The following BMPER variants were observed in gnomAD, a reference collection of about 807,000 sequenced individuals.
BMPER encodes the protein BMP-binding endothelial regulator protein.
A neutral mutation model predicts 87.3 loss-of-function variants in BMPER; 45 were observed. The observed-to-expected ratio is 0.52, with a 90% CI of 0.41 to 0.66. BMPER has a LOEUF of 0.66. BMPER is among the 30% of genes least tolerant of loss of function. BMPER has a pLI of 0.00. For synonymous variants in BMPER, 326 were observed against 316.2 expected (o/e 1.03, Z -0.33); for missense variants, 784 against 867.5 (o/e 0.90, Z 1.21).
chr7:34,009,933 A>G (rs1282838288), intron 6 of BMPER, among the ~76,000 whole-genome samples: 1 of 151,996 alleles, frequency 6.6e-6, no homozygotes, highest in Non-Finnish European at 1.5e-5. Flanking sequence ...AAATAAGACA[A>G]TGATAGAAGG....
chr7:34,109,499 A>G (rs1362207234), intron 13 of BMPER, among the ~76,000 whole-genome samples: 1 of 152,206 alleles, frequency 6.6e-6, no homozygotes, highest in Non-Finnish European at 1.5e-5. Flanking sequence ...AATCATCACA[A>G]TTGAGATATG....
chr7:33,927,676 T>G (rs1245774110), intron 2 of BMPER, among the ~76,000 whole-genome samples: 1 of 152,086 alleles, frequency 6.6e-6, no homozygotes, highest in Non-Finnish European at 1.5e-5. Flanking sequence ...TTTTAAACTC[T>G]TTACCCCCAC....
intron 13 of BMPER, among the ~76,000 whole-genome samples, chr7:34,096,034 T>C (rs1320386925): frequency 6.6e-6 from 1 of 152,220 alleles, no homozygotes; most frequent in Non-Finnish European, 1.5e-5. Context: ...CCAAGGTGTC[T>C]CTTTCTCCTC....
At chr7:34,141,059 G>C (rs1325865204) in intron 13 of BMPER, among the ~76,000 whole-genome samples, 5 of 152,172 alleles carry the variant, frequency 3.3e-5, no homozygotes, top group African/African-American at 1.2e-4. Flanking sequence ...CGAAAATGTC[G>C]CTGTGAAGTC....
intron 6 of BMPER, among the ~76,000 whole-genome samples, chr7:33,992,340 C>T (rs1786246478): frequency 1.4e-5 from 2 of 138,100 alleles, no homozygotes; most frequent in South Asian, 5.1e-4. Context: ...GTTAGCTCTT[C>T]TTGTTGAATT....
chr7:33,937,661 G>T (rs778840794), intron 3 of BMPER: 1 of 462,694 alleles, frequency 2.2e-6, no homozygotes, highest in Non-Finnish European at 4.0e-6. Flanking sequence ...TTGTTAAAAT[G>T]TCGTAGAGAA....
chr7:33,972,088 A>G (rs1280946299), intron 5 of BMPER, among the ~76,000 whole-genome samples: 1 of 152,042 alleles, frequency 6.6e-6, no homozygotes, highest in Non-Finnish European at 1.5e-5. Context: ...TATTTTTAGT[A>G]GAGACGGGGT....
At chr7:34,120,751 A>T (rs1159687983) in intron 13 of BMPER, among the ~76,000 whole-genome samples, 1 of 152,184 alleles carries the variant, frequency 6.6e-6, no homozygotes, top group Admixed American at 6.5e-5. Flanking sequence ...ATTGTCTGTG[A>T]TTAGGTAAAC....
intron 6 of BMPER, among the ~76,000 whole-genome samples, chr7:34,044,359 A>G (rs1391083482): frequency 6.6e-6 from 1 of 152,222 alleles, no homozygotes; most frequent in Non-Finnish European, 1.5e-5. Flanking sequence ...TCCAACAAGA[A>G]CAGAGAATAT....
chr7:34,087,310 G>A (rs1285141737), intron 13 of BMPER, among the ~76,000 whole-genome samples: 1 of 152,110 alleles, frequency 6.6e-6, no homozygotes, highest in Non-Finnish European at 1.5e-5. Context: ...TGAAACTGAG[G>A]GATCTTAACG....
intron 6 of BMPER, among the ~76,000 whole-genome samples, chr7:33,989,987 GT>G (rs1786156674): frequency 6.6e-6 from 1 of 151,978 alleles, no homozygotes; most frequent in Non-Finnish European, 1.5e-5. Context: ...CTCTGTTTTG[GT>G]ACCAGTACCA....
intron 6 of BMPER, among the ~76,000 whole-genome samples, chr7:33,978,954 G>A (rs760802362): frequency 7.9e-5 from 12 of 152,026 alleles, no homozygotes; most frequent in Non-Finnish European, 1.3e-4. Context: ...AATGCATATC[G>A]TTTAAGTCAA....
intron 13 of BMPER, among the ~76,000 whole-genome samples, chr7:34,095,169 C>T (rs1482134682): frequency 1.3e-5 from 2 of 152,132 alleles, no homozygotes; most frequent in African/African-American, 4.8e-5. Flanking sequence ...GAATATACAA[C>T]TCTGAACTTG....
intron 13 of BMPER, among the ~76,000 whole-genome samples, chr7:34,087,521 G>A (rs181364718): frequency 3.9e-5 from 6 of 152,244 alleles, no homozygotes; most frequent in African/African-American, 1.4e-4. Flanking sequence ...TTACTTATCT[G>A]TGAAGTGGGG....
intron 2 of BMPER, among the ~76,000 whole-genome samples, chr7:33,926,450 A>G (rs1784364591): frequency 6.6e-6 from 1 of 152,220 alleles, no homozygotes; most frequent in Non-Finnish European, 1.5e-5. Context: ...CATGTTGTGA[A>G]TCCCTTCAGC....
chr7:34,111,130 G>C (rs1439754370), intron 13 of BMPER, among the ~76,000 whole-genome samples: 1 of 152,176 alleles, frequency 6.6e-6, no homozygotes, highest in South Asian at 2.1e-4. Flanking sequence ...CAACTTGTTG[G>C]AAAAATTATT....
rs764264873 is a variant in BMPER at position 34,055,251 on chromosome 7, G to A, written c.875G>A (p.Arg292Gln). The A allele has an allele frequency of 1.7e-5, 27 of 1,614,022 alleles. No individual in the cohort carries two copies. The highest frequency in any genetic ancestry group is 4.0e-5 in the African/African-American group (3 of 74,908). The change falls in exon 9 of 15, where the codon CGA (arginine) becomes CAA (glutamine). Residue 292 changes from arginine to glutamine, a missense_variant. Physicochemically the swap from Arg to Gln is conservative, Grantham distance 43. Coordinates refer to ENST00000649409, the MANE Select transcript of BMPER (RefSeq NM_001365308.1). ...QEGCCEECLL[R>Q]VPPEDIKVCK... ...GGCTGTTGTGAAGAGTGCCTCCTAC[G>A]AGTGCCCCCAGAAGACATCAAAGTA... is the stretch of plus-strand genomic sequence containing the variant.
intron 3 of BMPER, among the ~76,000 whole-genome samples, chr7:33,953,966 G>A (rs1318236498): frequency 1.3e-5 from 2 of 152,126 alleles, no homozygotes; most frequent in African/African-American, 4.8e-5. Flanking sequence ...ATGTTGTAGC[G>A]GGTATTAGAA....
intron 6 of BMPER, among the ~76,000 whole-genome samples, chr7:33,986,607 C>T (rs1441656571): frequency 6.6e-6 from 1 of 152,086 alleles, no homozygotes; most frequent in East Asian, 1.9e-4. Context: ...GAGGCTCCAA[C>T]CACAACCATT....
Sources: gnomAD v4.1 joint callset for allele counts (sites outside exome capture counted in the v4.1 genomes callset) on GRCh38, gnomAD v4.1.1 for gene constraint, MANE v1.5 for transcripts, NCBI Gene and HGNC (gene_info 2026-07-23, HGNC 2026-07-21) for gene names.